PLCL1: variants seen among roughly 807,000 people sequenced by gnomAD.
PLCL1 encodes inactive phospholipase C-like protein 1.
PLCL1 carries 41 observed loss-of-function variants against 84.4 expected under a neutral mutation model. The observed-to-expected ratio is 0.49, with a 90% CI of 0.38 to 0.63. The LOEUF (loss-of-function observed/expected upper bound fraction) is 0.63, where lower values mean the gene tolerates loss of function less well. Among genes scored for constraint, PLCL1 ranks in the 30% least tolerant of loss-of-function variants. PLCL1 has a pLI of 0.00. For synonymous variants in PLCL1, 490 were observed against 488.3 expected (o/e 1.00, Z -0.05); for missense variants, 1,206 against 1,367.8 (o/e 0.88, Z 1.87).
chr2:197,896,669 A>G (rs1001958487), intron 1 of PLCL1, among the ~76,000 whole-genome samples: 9 of 152,052 alleles, frequency 5.9e-5, no homozygotes, highest in African/African-American at 2.2e-4. Flanking sequence ...TCTGCGTTCA[A>G]GCTCATTTTC....
intron 3 of PLCL1, among the ~76,000 whole-genome samples, chr2:198,093,564 G>C (rs1032155588): frequency 6.6e-6 from 1 of 152,186 alleles, no homozygotes; most frequent in African/African-American, 2.4e-5. Flanking sequence ...TAGTGGTGTG[G>C]TTGGTGTGGG....
intron 5 of PLCL1, among the ~76,000 whole-genome samples, chr2:198,132,982 A>G (rs1454249687): frequency 1.3e-5 from 2 of 151,288 alleles, no homozygotes; most frequent in Non-Finnish European, 2.9e-5. Context: ...TAAATCTTTA[A>G]TCCATCTTGA....
At chr2:197,944,207 CA>C (rs1689225143) in intron 1 of PLCL1, among the ~76,000 whole-genome samples, 1 of 149,814 alleles carries the variant, frequency 6.7e-6, no homozygotes, top group Non-Finnish European at 1.5e-5. Flanking sequence ...TATCATTCTG[CA>C]TAAGTCTTTT....
chr2:198,091,779 A>G (rs1314277713), intron 3 of PLCL1, among the ~76,000 whole-genome samples: 1 of 152,072 alleles, frequency 6.6e-6, no homozygotes, highest in Non-Finnish European at 1.5e-5. Flanking sequence ...AGATCAAATC[A>G]AGTCACTTTC....
intron 1 of PLCL1, among the ~76,000 whole-genome samples, chr2:197,897,098 C>CCTTCTT (rs1156287674): frequency 1.7e-5 from 2 of 117,880 alleles, no homozygotes; most frequent in East Asian, 3.0e-4. Flanking sequence ...AAGTATGACT[C>CCTTCTT]CTTCTTCTTC....
chr2:198,102,309 T>C (rs1693366870), intron 4 of PLCL1, among the ~76,000 whole-genome samples: 1 of 152,022 alleles, frequency 6.6e-6, no homozygotes, highest in Non-Finnish European at 1.5e-5. Context: ...GTAAACCCAC[T>C]TGTTAACCAC....
intron 1 of PLCL1, among the ~76,000 whole-genome samples, chr2:197,999,084 G>C (rs1195172489): frequency 6.6e-6 from 1 of 152,184 alleles, no homozygotes; most frequent in Non-Finnish European, 1.5e-5. Flanking sequence ...AAAGATCACA[G>C]AGGAACCAGT....
intron 1 of PLCL1, among the ~76,000 whole-genome samples, chr2:197,882,606 C>A (rs1687849875): frequency 6.6e-6 from 1 of 152,054 alleles, no homozygotes; most frequent in East Asian, 1.9e-4. Flanking sequence ...AGTATGCATA[C>A]TTACTTTGGA....
At chr2:198,142,470 A>G (rs1251793490) in intron 5 of PLCL1, among the ~76,000 whole-genome samples, 1 of 152,188 alleles carries the variant, frequency 6.6e-6, no homozygotes, top group East Asian at 1.9e-4. Flanking sequence ...TGATTTCTAG[A>G]TAATGTACTT....
At chr2:197,899,085 T>C (rs1367594906) in intron 1 of PLCL1, among the ~76,000 whole-genome samples, 8 of 152,210 alleles carry the variant, frequency 5.3e-5, no homozygotes, top group Non-Finnish European at 1.2e-4. Context: ...AAGTACTGTT[T>C]TCCAGACACT....
intron 1 of PLCL1, among the ~76,000 whole-genome samples, chr2:198,057,900 T>G (rs968140343): frequency 1.3e-5 from 2 of 152,228 alleles, no homozygotes; most frequent in Admixed American, 1.3e-4. Flanking sequence ...ACTTAGAAGA[T>G]TATTCCAAAA....
rs562909064 is a variant in PLCL1, at chr2:197,805,538, C to T, written c.240+199C>T. Among the ~76,000 whole-genome samples the T allele has an allele frequency of 5.9e-5, 9 of 152,290 alleles. No individual in the cohort carries two copies. Among genetic ancestry groups the T allele is most frequent in the African/African-American group, 1.4e-4 (6 of 41,566 alleles). On this transcript the variant is annotated intron_variant, in intron 1 of 5. Transcript: ENST00000428675. The surrounding 1 kb of genome is among the most constrained non-coding windows in gnomAD (Gnocchi z 4.0). ...ACGAGACGCACAAGTGACTTTTTCT[C>T]CCCACTGACGGCAGAGGAAAAGTTC...
In PLCL1 at chr2:198,120,193, T is replaced by C. The variant is rs925861791; in HGVS notation, c.3105+16257T>C. ...GTCTACTCTTAAAAAAAATAATTTT[T>C]GTGGGTACATAGGTGTATATATTTG... On this transcript the variant is annotated intron_variant, in intron 5 of 5. Coordinates refer to ENST00000428675, the MANE Select transcript of PLCL1 (RefSeq NM_006226.4). Among the ~76,000 whole-genome samples, 3 of 151,974 alleles carry C rather than the reference T, an allele frequency of 2.0e-5. No homozygotes were observed. In the East Asian group the frequency reaches 5.8e-4, roughly 29 times the overall value.
intron 1 of PLCL1, among the ~76,000 whole-genome samples, chr2:197,974,882 C>T (rs1446114623): frequency 6.6e-6 from 1 of 152,176 alleles, no homozygotes; most frequent in Non-Finnish European, 1.5e-5. Context: ...TGGCTCACGC[C>T]TGTAATCCCA....
intron 1 of PLCL1, among the ~76,000 whole-genome samples, chr2:197,981,360 G>A (rs1346217224): frequency 6.6e-6 from 1 of 152,210 alleles, no homozygotes; most frequent in Non-Finnish European, 1.5e-5. Flanking sequence ...GGTAGATTAA[G>A]TTAGGAAAGA....
At chr2:198,063,092 T>C (rs1164288836) in intron 1 of PLCL1, among the ~76,000 whole-genome samples, 2 of 152,198 alleles carry the variant, frequency 1.3e-5, no homozygotes, top group Non-Finnish European at 2.9e-5. Context: ...TGGGTTCCAG[T>C]CTCATTTAAT....
At chr2:197,984,403 A>G (rs1402736891) in intron 1 of PLCL1, among the ~76,000 whole-genome samples, 1 of 151,928 alleles carries the variant, frequency 6.6e-6, no homozygotes, top group African/African-American at 2.4e-5. Flanking sequence ...CAAAATCTTC[A>G]ATAGTGACTG....
chr2:197,982,063 T>C (rs902033285), intron 1 of PLCL1, among the ~76,000 whole-genome samples: 20 of 151,980 alleles, frequency 1.3e-4, no homozygotes, highest in Admixed American at 1.3e-3. Context: ...TTTAATAGTT[T>C]AATTTATGTG....
intron 1 of PLCL1, among the ~76,000 whole-genome samples, chr2:197,811,685 TTG>T (rs1690590070): frequency 1.3e-5 from 2 of 152,240 alleles, no homozygotes; most frequent in Admixed American, 1.3e-4. Flanking sequence ...GGCAAGGTTA[TTG>T]TGTTTTTCCT....
Sources: gnomAD v4.1 joint callset for allele counts (sites outside exome capture counted in the v4.1 genomes callset) on GRCh38, gnomAD v4.1.1 for gene constraint, Gnocchi (gnomAD v3.1) non-coding constraint, MANE v1.5 for transcripts, NCBI Gene and HGNC (gene_info 2026-07-23, HGNC 2026-07-21) for gene names.